The following SMARCA4 variants were observed in gnomAD, a reference collection of about 807,000 sequenced individuals.
SMARCA4 encodes SWI/SNF-related matrix-associated actin-dependent regulator of chromatin subfamily A member 4.
A neutral mutation model predicts 193.9 loss-of-function variants in SMARCA4; 31 were observed. That is an observed-to-expected ratio of 0.16 (90% CI 0.12 to 0.22). SMARCA4 has a LOEUF of 0.22. Among genes scored for constraint, SMARCA4 ranks in the 10% least tolerant of loss-of-function variants. The pLI is 1.00. For synonymous variants in SMARCA4, 942 were observed against 933.1 expected, an observed-to-expected ratio of 1.01 and a Z score of -0.17; for missense variants, 1,148 against 2,296.0, an observed-to-expected ratio of 0.50 and a Z score of 10.22.
intron 9 of SMARCA4, chr19:10,995,613 G>A (rs1302973039): frequency 7.3e-6 from 3 of 413,708 alleles, no homozygotes; most frequent in Non-Finnish European, 1.5e-5. Flanking sequence ...CCCAGGGAAG[G>A]AGCCCCAGGC....
At chr19:11,057,353 T>C (rs3786727) in intron 30 of SMARCA4, among the ~76,000 whole-genome samples, 42,190 of 152,118 alleles carry the variant, frequency 0.28, 6,024 homozygotes, top group South Asian at 0.31. Flanking sequence ...ATCTCATCAC[T>C]GCCGCTGTAC....
chr19:10,994,777 T>C (rs1279781314), intron 8 of SMARCA4, 51 bp from the exon 9 acceptor site: 1 of 1,526,720 alleles, frequency 6.5e-7, no homozygotes, highest in Admixed American at 1.7e-5. Context: ...CGGGGAGATG[T>C]GTCCACCATG....
rs572225602 is a variant in SMARCA4 at position 10,996,826 on chromosome 19, T to C, written c.1812+282T>C. Among the ~76,000 whole-genome samples, 13 of 152,308 alleles carry C rather than the reference T, an allele frequency of 8.5e-5. 1 individual carries two copies. The South Asian group carries it at 2.5e-3, about 29-fold the overall frequency. On this transcript the variant is annotated intron_variant, in intron 11 of 34. Coordinates refer to ENST00000344626, the MANE Select transcript of SMARCA4 (RefSeq NM_003072.5). ...GAGAGGTGCAAGAACCGTCCAGAGA[T>C]GTCCTGTGTGTTCTTCACCCAGAGT...
chr19:11,021,520 C>T, intron 18 of SMARCA4: 1 of 714,112 alleles, frequency 1.4e-6, no homozygotes, highest in Non-Finnish European at 2.5e-6. Context: ...GGGCCTGTCT[C>T]TGCCCAAGGC....
At chr19:10,963,260 C>A (rs544589625) in intron 1 of SMARCA4, among the ~76,000 whole-genome samples, 2 of 150,780 alleles carry the variant, frequency 1.3e-5, no homozygotes, top group Admixed American at 1.3e-4. Context: ...GTGGTCCCAA[C>A]TACTCAGGAG....
intron 25 of SMARCA4, chr19:11,032,686 A>C (rs1286900383): frequency 6.3e-6 from 1 of 157,544 alleles, no homozygotes; most frequent in Admixed American, 6.0e-5. Flanking sequence ...AAAAAAGAAA[A>C]AAAGCCCATC....
At chr19:11,059,907 G>A (rs1568565095) in intron 33 of SMARCA4, 22 bp downstream of exon 33, 1 of 1,613,708 alleles carries the variant, frequency 6.2e-7, no homozygotes, top group Non-Finnish European at 8.5e-7. Context: ...GGGGGTTCAG[G>A]ACGCCGGGGT....
In SMARCA4 at chr19:10,986,819, C is replaced by T. The variant is rs2086089152; in HGVS notation, c.761-86C>T. On this transcript the variant is annotated intron_variant, in intron 4 of 34. Coordinates refer to ENST00000344626, the MANE Select transcript of SMARCA4 (RefSeq NM_003072.5). The surrounding 1 kb of genome is among the most constrained non-coding windows in gnomAD (Gnocchi z 6.7). ...GGTTAATAGGTGTATCTGCTGTGTC[C>T]CCTGGAGCCAGGGCTGCCCACGGGG... 1.5e-6 allele frequency: 2 copies of T among 1,312,130 alleles called. No homozygotes were observed. Among genetic ancestry groups the T allele is most frequent in the Admixed American group, 1.7e-5 (1 of 59,292 alleles). The allele number at this position is 1,312,130 out of a possible 1,614,324, so 81.3% of individuals were successfully genotyped here.
In SMARCA4 at chr19:11,048,319, C is replaced by T. The variant is rs200980586; in HGVS notation, c.4424+6759C>T. On this transcript the variant is annotated intron_variant, in intron 30 of 34. Transcript: ENST00000344626. ...CAATCTCGGCTCCCTGCAACCTCCA[C>T]CTTCCAGGTTGAAGTGATTCTCCTG... 8.5e-5 allele frequency among the ~76,000 whole-genome samples: 13 copies of T among 152,268 alleles called. No individual in the cohort carries two copies. The East Asian group carries it at 2.1e-3, about 25-fold the overall frequency.
chr19:11,007,707 A>G (rs902789449), intron 13 of SMARCA4, among the ~76,000 whole-genome samples, 195 bp from the exon 14 acceptor site: 7 of 152,262 alleles, frequency 4.6e-5, no homozygotes, highest in African/African-American at 1.4e-4. Flanking sequence ...AGACTCCCAT[A>G]TATTAAAAAA....
intron 32 of SMARCA4, chr19:11,059,124 A>G: frequency 2.0e-6 from 1 of 493,868 alleles, no homozygotes; most frequent in Non-Finnish European, 3.6e-6. Context: ...AAAAAAAAGA[A>G]AAAATTAAAA....
rs2146816788 is a variant in SMARCA4, at chr19:11,041,402, C to T, written c.4266C>T (p.Ser1422=). The T allele has an allele frequency of 6.2e-7, 1 of 1,612,332 alleles. No individual in the cohort carries two copies. Among genetic ancestry groups the T allele is most frequent in the East Asian group, 2.2e-5 (1 of 44,882 alleles). Residue 1422 remains serine (S), a synonymous_variant, in exon 30 of 35, where the codon TCC becomes TCT. Transcript: ENST00000344626. The surrounding 1 kb of genome is among the most constrained non-coding windows in gnomAD (Gnocchi z 5.6). ...AGCGAGACAGCGACGCCGGCTCCTCCACCCCGACCACCAGCACCCGCAGCC... is the reference window on the plus strand; with the variant it reads ...AGCGAGACAGCGACGCCGGCTCCTCTACCCCGACCACCAGCACCCGCAGCC... ...KRKRDSDAGS[S]TPTTSTRSRD...
Position 10,986,836 on chromosome 19 carries a change from C to A in SMARCA4, c.761-69C>A. On this transcript the variant is annotated intron_variant, in intron 4 of 34. Transcript: ENST00000344626. This position sits in a 1 kb window ranked among gnomAD's most constrained non-coding sequence, Gnocchi z 6.7. The stretch of plus-strand genomic sequence containing the variant: ...GCTGTGTCCCCTGGAGCCAGGGCTG[C>A]CCACGGGGCTGGGCGCAGGCATAAA... 7.1e-7 allele frequency: 1 copy of A among 1,399,934 alleles called. No individual in the cohort carries two copies. Among genetic ancestry groups the A allele is most frequent in the Non-Finnish European group, 1.0e-6 (1 of 987,888 alleles). The allele number at this position is 1,399,934 out of a possible 1,614,324, so 86.7% of individuals were successfully genotyped here.
intron 30 of SMARCA4, among the ~76,000 whole-genome samples, chr19:11,054,409 G>A (rs1281076468): frequency 3.3e-5 from 5 of 152,200 alleles, no homozygotes; most frequent in Non-Finnish European, 5.9e-5. Flanking sequence ...GTGTGTTTCT[G>A]CATCATCAAC....
chr19:11,026,243 G>A (rs2090246309), intron 22 of SMARCA4, 57 bp from the exon 23 acceptor site: 19 of 1,417,052 alleles, frequency 1.3e-5, no homozygotes, highest in Non-Finnish European at 1.8e-5. Context: ...GCGGACCGCA[G>A]CGGGGCCCGG....
intron 14 of SMARCA4, among the ~76,000 whole-genome samples, chr19:11,008,994 T>C (rs975975028): frequency 1.0e-5 from 1 of 98,414 alleles, no homozygotes; most frequent in East Asian, 3.4e-4. Context: ...AAAATGTAGG[T>C]GGATAAAAGT....
In SMARCA4 at chr19:11,041,126, T is replaced by C. The variant is rs1600463142; in HGVS notation, c.4171-181T>C. 1 of 650,516 alleles carries C rather than the reference T, an allele frequency of 1.5e-6. No individual in the cohort carries two copies. The highest frequency in any genetic ancestry group is 1.9e-5 in the South Asian group (1 of 51,796). 40.3% of individuals were successfully genotyped at this position (650,516 alleles called of 1,614,324 possible). A position where few individuals can be genotyped will look rare whatever the true frequency, so the allele number is the denominator to read the frequency against. ...GCTGGGGGCAGTGCTGGTCTTTCAC[T>C]GCAGCCCAGGCACCCCTTGAGAGTC... On this transcript the variant is annotated intron_variant, in intron 29 of 34. Coordinates refer to ENST00000344626, the MANE Select transcript of SMARCA4 (RefSeq NM_003072.5). The surrounding 1 kb of genome is among the most constrained non-coding windows in gnomAD (Gnocchi z 5.6).
At position 11,043,205 on chromosome 19, in the gene SMARCA4, C is replaced by G. The variant is rs555051118; in HGVS notation, c.4424+1645C>G. Among the ~76,000 whole-genome samples, 28 of 152,172 alleles carry G rather than the reference C, an allele frequency of 1.8e-4. 1 individual carries two copies. The South Asian group carries it at 5.8e-3, about 32-fold the overall frequency. On this transcript the variant is annotated intron_variant, in intron 30 of 34. Transcript: ENST00000344626. ...ACTCGGGAGGCTGAGGTAGGAGAAT[C>G]TTGAAGCTGGGAGGCGGAGGTTGCA...
intron 10 of SMARCA4, 56 bp from the exon 11 acceptor site, chr19:10,996,438 G>C (rs546903052): frequency 6.2e-7 from 1 of 1,613,412 alleles, no homozygotes; most frequent in Admixed American, 1.7e-5. Context: ...CCGTCTTCAC[G>C]TGTGTGGCCT....
Sources: gnomAD v4.1 joint callset for allele counts (sites outside exome capture counted in the v4.1 genomes callset) on GRCh38, gnomAD v4.1.1 for gene constraint, Gnocchi (gnomAD v3.1) non-coding constraint, MANE v1.5 for transcripts, NCBI Gene and HGNC (gene_info 2026-07-23, HGNC 2026-07-21) for gene names.